Variants in RRP15 observed in about 807,000 individuals in gnomAD.
RRP15 encodes the protein ribosomal RNA processing 15 homolog.
A neutral mutation model predicts 27.1 loss-of-function variants in RRP15; 18 were observed. The observed-to-expected ratio is 0.66, with a 90% CI of 0.46 to 0.98. The LOEUF (loss-of-function observed/expected upper bound fraction) is 0.98, where lower values mean the gene tolerates loss of function less well. Ranked by LOEUF, RRP15 falls within the 50% of genes least tolerant of loss-of-function variation. The pLI, the probability that RRP15 is intolerant of heterozygous loss-of-function variation, is 0.00. For missense variants in RRP15, 359 were observed against 337.8 expected, an observed-to-expected ratio of 1.06 and a Z score of -0.49; for synonymous variants, 107 against 109.4, an observed-to-expected ratio of 0.98 and a Z score of 0.14.
chr1:218,287,462 T>G (rs1299746035), intron 1 of RRP15, among the ~76,000 whole-genome samples: 1 of 152,202 alleles, frequency 6.6e-6, no homozygotes, highest in African/African-American at 2.4e-5. Context: ...TTCAATTCAA[T>G]GAACACTTGT....
At chr1:218,321,210 A>G (rs948687799) in intron 4 of RRP15, among the ~76,000 whole-genome samples, 4 of 152,346 alleles carry the variant, frequency 2.6e-5, no homozygotes, top group Non-Finnish European at 4.4e-5. Flanking sequence ...TATGGTTTCA[A>G]TTCAATATTT....
chr1:218,294,147 T>C (rs1425056665), intron 1 of RRP15, among the ~76,000 whole-genome samples: 1 of 152,186 alleles, frequency 6.6e-6, no homozygotes, highest in Non-Finnish European at 1.5e-5. Context: ...TTTTCTCTAT[T>C]TTCTCACTCA....
intron 1 of RRP15, among the ~76,000 whole-genome samples, chr1:218,298,269 A>G (rs932235384): frequency 2.6e-5 from 4 of 152,160 alleles, no homozygotes; most frequent in African/African-American, 4.8e-5. Context: ...CAACTTGAAT[A>G]TCATCTTTGT....
intron 4 of RRP15, among the ~76,000 whole-genome samples, chr1:218,309,960 G>T (rs1015808338): frequency 7.9e-5 from 12 of 152,100 alleles, no homozygotes; most frequent in Non-Finnish European, 1.3e-4. Context: ...TTAGAGCATA[G>T]ATCATTATAT....
chr1:218,309,682 C>CAAAA (rs751452477), intron 4 of RRP15, among the ~76,000 whole-genome samples: 7 of 22,514 alleles, frequency 3.1e-4, no homozygotes, highest in African/African-American at 4.4e-4. Flanking sequence ...GACTCCATCT[C>CAAAA]AAAAAAAAAA....
At chr1:218,313,510 A>T (rs1047923268) in intron 4 of RRP15, among the ~76,000 whole-genome samples, 1 of 152,188 alleles carries the variant, frequency 6.6e-6, no homozygotes, top group African/African-American at 2.4e-5. Flanking sequence ...CATGTCTGAG[A>T]GGTAAAGATT....
chr1:218,309,620 G>A (rs1198535051), intron 4 of RRP15, among the ~76,000 whole-genome samples: 1 of 147,490 alleles, frequency 6.8e-6, no homozygotes, highest in Non-Finnish European at 1.5e-5. Flanking sequence ...GAGGCAGAGG[G>A]TGCAGTGAGC....
chr1:218,286,301 C>T (rs184137613), intron 1 of RRP15, among the ~76,000 whole-genome samples: 1 of 152,124 alleles, frequency 6.6e-6, no homozygotes, highest in South Asian at 2.1e-4. Context: ...GCCAATATGC[C>T]CCTCACAAAC....
chr1:218,286,659 C>T (rs1655553680), intron 1 of RRP15, among the ~76,000 whole-genome samples: 2 of 152,176 alleles, frequency 1.3e-5, no homozygotes, highest in Non-Finnish European at 2.9e-5. Context: ...ACTGTATCCC[C>T]AGTTCCTATT....
rs1322075937 is a variant in RRP15, at chr1:218,333,820, G to A, written c.*2729G>A. Reference sequence around the variant, plus strand: ...CCTGTCTTTGAATTTTTTAACGAGGGGAAAGAAAACTGCAATTCCTGCCTC... The same window carrying A: ...CCTGTCTTTGAATTTTTTAACGAGGAGAAAGAAAACTGCAATTCCTGCCTC... On this transcript the variant is annotated 3_prime_UTR_variant, in exon 5 of 5. Transcript: ENST00000366932. 2 of 151,882 alleles carry A rather than the reference G, an allele frequency of 1.3e-5. No homozygotes were observed. The highest frequency in any genetic ancestry group is 1.3e-4 in the Admixed American group (2 of 15,236). 9.4% of individuals were successfully genotyped at this position (151,882 alleles called of 1,614,324 possible). A position where few individuals can be genotyped will look rare whatever the true frequency, so the allele number is the denominator to read the frequency against.
chr1:218,308,064 T>C (rs935160458), intron 4 of RRP15, among the ~76,000 whole-genome samples: 8 of 95,400 alleles, frequency 8.4e-5, no homozygotes, highest in Non-Finnish European at 1.1e-4. Flanking sequence ...CTTTCTTTCT[T>C]TTTTTTTTTT....
intron 1 of RRP15, among the ~76,000 whole-genome samples, chr1:218,298,062 T>G (rs1341401659): frequency 6.6e-6 from 1 of 152,178 alleles, no homozygotes; most frequent in African/African-American, 2.4e-5. Flanking sequence ...ACATGCTGAT[T>G]TCTTCTGCCT....
intron 2 of RRP15, among the ~76,000 whole-genome samples, chr1:218,303,480 A>C (rs979329115): frequency 1.1e-4 from 16 of 152,234 alleles, no homozygotes; most frequent in Non-Finnish European, 4.4e-5. Context: ...TCTATTATTA[A>C]TTCAATATTC....
At chr1:218,307,758 C>T in intron 4 of RRP15, 126 bp downstream of exon 4, 2 of 674,028 alleles carry the variant, frequency 3.0e-6, no homozygotes, top group Non-Finnish European at 4.9e-6. Flanking sequence ...TAAAATTCCT[C>T]CATGCCCGCA....
chr1:218,298,014 T>C (rs771060369), intron 1 of RRP15, among the ~76,000 whole-genome samples: 20 of 152,192 alleles, frequency 1.3e-4, no homozygotes, highest in Non-Finnish European at 2.8e-4. Context: ...TGTCATTTTA[T>C]AAATATTTCA....
chr1:218,302,505 G>T lies in RRP15; in HGVS notation c.351G>T (p.Lys117Asn), dbSNP rs77979592. The T allele has an allele frequency of 4.0e-3, 6,481 of 1,613,452 alleles. 179 individuals carry two copies. In the African/African-American group the frequency reaches 0.063, roughly 16 times the overall value. Reference sequence around the variant, plus strand: ...CTACTATTCTGGTCAAAAATAAGAAGCTGGAAAAGGAAAAAGAAAAGTTAA... The same window carrying T: ...CTACTATTCTGGTCAAAAATAAGAATCTGGAAAAGGAAAAAGAAAAGTTAA... Reference protein sequence around the residue: ...SKPTILVKNKKLEKEKEKLKQ... With the variant: ...SKPTILVKNKNLEKEKEKLKQ... The change falls in exon 2 of 5, where the codon AAG becomes AAT. Residue 117 changes from lysine to asparagine, a missense_variant. By Grantham distance (94) the Lys-to-Asn change is moderately conservative (BLOSUM62 0). Transcript: ENST00000366932.
chr1:218,307,740 A>G lies in RRP15; in HGVS notation c.705+108A>G, dbSNP rs57995633. The G allele has an allele frequency of 9.6e-3, 7,434 of 777,898 alleles. 376 individuals are homozygous for G. In the African/African-American group the frequency reaches 0.12, roughly 12 times the overall value. The allele number at this position is 777,898 out of a possible 1,614,324, so 48.2% of individuals were successfully genotyped here. ...TACAGAGTTTTGTGTTTTTTTCCTA[A>G]ATTTTATTAAAATTCCTCCATGCCC... On this transcript the variant is annotated intron_variant, in intron 4 of 4. Transcript: ENST00000366932.
rs1656392911 is a variant in RRP15 at position 218,332,726 on chromosome 1, T to C, written c.*1635T>C. The C allele has an allele frequency of 6.6e-6, 1 of 152,170 alleles. No individual in the cohort carries two copies. The highest frequency in any genetic ancestry group is 6.6e-5 in the Admixed American group (1 of 15,266). 9.4% of individuals were successfully genotyped at this position (152,170 alleles called of 1,614,324 possible). On this transcript the variant is annotated 3_prime_UTR_variant, in exon 5 of 5. Coordinates refer to ENST00000366932, the MANE Select transcript of RRP15 (RefSeq NM_016052.4). The stretch of plus-strand genomic sequence containing the variant: ...AGTACAAGATGCATTTTTGTATTTA[T>C]TCTAACTTTTGAACATTAGTGTCTT...
At chr1:218,326,177 G>A (rs1318125500) in intron 4 of RRP15, among the ~76,000 whole-genome samples, 1 of 152,070 alleles carries the variant, frequency 6.6e-6, no homozygotes, top group Non-Finnish European at 1.5e-5. Context: ...GTGGTGGCAG[G>A]TGCCTGTAAT....
Sources: gnomAD v4.1 joint callset for allele counts (sites outside exome capture counted in the v4.1 genomes callset) on GRCh38, gnomAD v4.1.1 for gene constraint, MANE v1.5 for transcripts, NCBI Gene and HGNC (gene_info 2026-07-23, HGNC 2026-07-21) for gene names.